Variants in LRP2 observed in about 807,000 individuals in gnomAD.
The protein encoded by LRP2 is low-density lipoprotein receptor-related protein 2.
In LRP2, 172 loss-of-function variants were observed where a neutral mutation model predicts 531.0. That is an observed-to-expected ratio of 0.32 (90% confidence interval 0.29 to 0.37). The LOEUF (loss-of-function observed/expected upper bound fraction) is 0.37. LRP2 is among the 10% of genes least tolerant of loss of function. LRP2 has a pLI of 1.00. For synonymous variants in LRP2, 1,992 were observed against 2,027.6 expected (o/e 0.98, Z 0.47); for missense variants, 5,167 against 5,868.3 (o/e 0.88, Z 3.90).
chr2:169,280,913 A>C (rs573583176), intron 10 of LRP2, among the ~76,000 whole-genome samples: 74 of 152,336 alleles, frequency 4.9e-4, no homozygotes, highest in Non-Finnish European at 8.5e-4. Context: ...GACATTTTAA[A>C]GATTACCAGG....
chr2:169,224,724 A>G (rs189494477), intron 33 of LRP2, among the ~76,000 whole-genome samples: 33 of 152,334 alleles, frequency 2.2e-4, no homozygotes, highest in Admixed American at 5.9e-4. Flanking sequence ...ATTACCTAAA[A>G]CACTTTTATA....
At chr2:169,150,067 A>G (rs1208749696) in intron 68 of LRP2, among the ~76,000 whole-genome samples, 2 of 152,226 alleles carry the variant, frequency 1.3e-5, no homozygotes, top group Non-Finnish European at 2.9e-5. Flanking sequence ...ACAAGTCCTC[A>G]CTACAGGTTA....
intron 1 of LRP2, among the ~76,000 whole-genome samples, chr2:169,346,315 C>T (rs1685696555): frequency 6.6e-6 from 1 of 152,126 alleles, no homozygotes; most frequent in Admixed American, 6.6e-5. Context: ...TTAAACCATG[C>T]ATTTTGTTTT....
At chr2:169,142,541 C>T in intron 71 of LRP2, 133 bp downstream of exon 71, 2 of 1,263,986 alleles carry the variant, frequency 1.6e-6, no homozygotes, top group Non-Finnish European at 1.1e-6. Context: ...TCATACCTCC[C>T]ACATCCCTTA....
At chr2:169,361,487 C>A (rs1157040960) in intron 1 of LRP2, among the ~76,000 whole-genome samples, 1 of 151,282 alleles carries the variant, frequency 6.6e-6, no homozygotes, top group African/African-American at 2.4e-5. Context: ...GCTTCTCTTA[C>A]GCTCTCTCCT....
At chr2:169,132,266 T>A (rs1303418560) in intron 77 of LRP2, among the ~76,000 whole-genome samples, 1 of 152,200 alleles carries the variant, frequency 6.6e-6, no homozygotes. Context: ...TCATACTGAG[T>A]CAATTTCTCA....
At position 169,196,893 on chromosome 2, in the gene LRP2, G is replaced by C. The variant is rs754426606; in HGVS notation, c.8698+18C>G. The C allele has an allele frequency of 6.2e-7, 1 of 1,613,836 alleles. No individual in the cohort carries two copies. The highest frequency in any genetic ancestry group is 1.3e-5 in the African/African-American group (1 of 74,920). On this transcript the variant is annotated intron_variant, in intron 46 of 78. Coordinates refer to ENST00000649046, the MANE Select transcript of LRP2 (RefSeq NM_004525.3). Reference sequence around the variant, plus strand: ...CTAGCTGCATCGTGATGTTTTTCATGCTTGCTTACTCTCTTACCACAAGAG... The same window carrying C: ...CTAGCTGCATCGTGATGTTTTTCATCCTTGCTTACTCTCTTACCACAAGAG...
Position 169,282,788 on chromosome 2 carries a change from T to A in LRP2, c.1171+85A>T, listed in dbSNP as rs1683741130. The A allele has an allele frequency of 1.4e-5, 20 of 1,441,502 alleles. No individual in the cohort carries two copies. The South Asian group carries it at 2.2e-4, about 16-fold the overall frequency. 89.3% of individuals were successfully genotyped at this position (1,441,502 alleles called of 1,614,324 possible). A position where few individuals can be genotyped will look rare whatever the true frequency, so the allele number is the denominator to read the frequency against. ...GCCCTGCCAACAACAAAAATGCTGATAATTCTGTTGTCATCAGAAGGAAGG... is the reference window on the plus strand; with the variant it reads ...GCCCTGCCAACAACAAAAATGCTGAAAATTCTGTTGTCATCAGAAGGAAGG... On this transcript the variant is annotated intron_variant, in intron 10 of 78. Transcript: ENST00000649046.
intron 43 of LRP2, 37 bp downstream of exon 43, chr2:169,202,719 A>G: frequency 6.2e-7 from 1 of 1,602,794 alleles, no homozygotes; most frequent in Non-Finnish European, 8.5e-7. Flanking sequence ...TCAAGATGCC[A>G]TTAGCTCCTA....
intron 28 of LRP2, 146 bp downstream of exon 28, chr2:169,236,957 C>A (rs1689628148): frequency 1.5e-6 from 1 of 688,752 alleles, no homozygotes; most frequent in Non-Finnish European, 2.6e-6. Flanking sequence ...GATAGCAACA[C>A]CCAGTTGGAC....
At chr2:169,257,341 C>A in intron 17 of LRP2, 92 bp from the exon 18 acceptor site, 1 of 1,334,772 alleles carries the variant, frequency 7.5e-7, no homozygotes, top group Non-Finnish European at 1.1e-6. Flanking sequence ...TCTCCAGATA[C>A]TGCAATTAAT....
At chr2:169,329,499 A>G (rs1217439607) in intron 1 of LRP2, among the ~76,000 whole-genome samples, 1 of 152,218 alleles carries the variant, frequency 6.6e-6, no homozygotes, top group Non-Finnish European at 1.5e-5. Flanking sequence ...ATGGAGAAAA[A>G]GAGCTTTCAG....
rs80160469 is a variant in LRP2, at chr2:169,154,895, G to C, written c.12152-292C>G. Among the ~76,000 whole-genome samples, 6 of 152,212 alleles carry C rather than the reference G, an allele frequency of 3.9e-5. No individual in the cohort carries two copies. In the East Asian group the frequency reaches 1.2e-3, roughly 29 times the overall value. ...AACAAAGCTAGACTGAGAACCCTAC[G>C]TACAGTCCTCATTTTCACTGAATTG... On this transcript the variant is annotated intron_variant, in intron 65 of 78. Coordinates refer to ENST00000649046, the MANE Select transcript of LRP2 (RefSeq NM_004525.3).
At chr2:169,185,005 C>G (rs1337276709) in intron 50 of LRP2, among the ~76,000 whole-genome samples, 2 of 152,156 alleles carry the variant, frequency 1.3e-5, no homozygotes, top group Non-Finnish European at 2.9e-5. Flanking sequence ...AAGCGATCCT[C>G]TCACCTCAGC....
intron 11 of LRP2, among the ~76,000 whole-genome samples, chr2:169,280,106 G>C (rs993392291): frequency 1.3e-5 from 2 of 152,030 alleles, no homozygotes; most frequent in African/African-American, 4.8e-5. Flanking sequence ...TTTTAATTAG[G>C]CTCCTGGACT....
chr2:169,212,903 C>T (rs961607184), intron 36 of LRP2, among the ~76,000 whole-genome samples: 1 of 151,462 alleles, frequency 6.6e-6, no homozygotes, highest in African/African-American at 2.4e-5. Flanking sequence ...CCACCTGTAC[C>T]CCAAAAACCT....
chr2:169,222,947 T>C (rs2105356548), intron 33 of LRP2, among the ~76,000 whole-genome samples: 1 of 152,260 alleles, frequency 6.6e-6, no homozygotes, highest in South Asian at 2.1e-4. Context: ...CTCCAATCAC[T>C]AGCACTTTAT....
At chr2:169,243,178 G>A (rs545166145) in intron 23 of LRP2, 106 bp from the exon 24 acceptor site, 1 of 980,164 alleles carries the variant, frequency 1.0e-6, no homozygotes, top group Admixed American at 1.8e-5. Context: ...GAGTACATAT[G>A]CAGAACATGC....
intron 33 of LRP2, 63 bp from the exon 34 acceptor site, chr2:169,220,626 G>A (rs1688958265): frequency 9.3e-6 from 10 of 1,078,728 alleles, no homozygotes; most frequent in Non-Finnish European, 1.4e-5. Context: ...AAACTGAGAT[G>A]AAGGAGAACT....
Sources: allele counts gnomAD v4.1 joint callset (sites outside exome capture counted in the v4.1 genomes callset), GRCh38; gene constraint gnomAD v4.1.1; transcripts MANE v1.5; gene names NCBI Gene and HGNC (gene_info 2026-07-23, HGNC 2026-07-21).